Variants in TUSC3 observed in about 807,000 individuals in gnomAD.
The protein encoded by TUSC3 is dolichyl-diphosphooligosaccharide--protein glycosyltransferase subunit TUSC3.
In TUSC3, 45 loss-of-function variants were observed where a neutral mutation model predicts 44.8. The observed-to-expected ratio is 1.00, with a 90% confidence interval of 0.79 to 1.29. The LOEUF is 1.29. Among genes scored for constraint, TUSC3 ranks in the 50% most tolerant of loss-of-function variants. The pLI is 0.00. For synonymous variants in TUSC3, 212 were observed against 152.9 expected (o/e 1.39, Z -2.85); for missense variants, 519 against 437.9 (o/e 1.19, Z -1.65).
chr8:15,576,217 T>C (rs1803099484), intron 1 of TUSC3, among the ~76,000 whole-genome samples: 2 of 151,048 alleles, frequency 1.3e-5, no homozygotes, highest in Non-Finnish European at 1.5e-5. Context: ...CTGGTTTTCT[T>C]TTGGTAGGTA....
intron 1 of TUSC3, among the ~76,000 whole-genome samples, chr8:15,596,563 T>C (rs904977284): frequency 6.6e-6 from 1 of 152,194 alleles, no homozygotes; most frequent in Non-Finnish European, 1.5e-5. Context: ...GAGGAATGAC[T>C]ATAATTTTCA....
intron 5 of TUSC3, among the ~76,000 whole-genome samples, chr8:15,665,149 A>T (rs1281974520): frequency 6.6e-6 from 1 of 151,598 alleles, no homozygotes; most frequent in Non-Finnish European, 1.5e-5. Flanking sequence ...AAATATTGTC[A>T]TCTGACTTAC....
downstream of TUSC3, among the ~76,000 whole-genome samples, chr8:15,768,101 A>T (rs951717869): frequency 1.3e-5 from 2 of 152,188 alleles, no homozygotes; most frequent in Non-Finnish European, 2.9e-5. Flanking sequence ...AAGTGTTGAA[A>T]GAGTTCCCCA....
intron 1 of TUSC3, among the ~76,000 whole-genome samples, chr8:15,449,582 A>T (rs1217415849): frequency 6.6e-6 from 1 of 152,088 alleles, no homozygotes; most frequent in Non-Finnish European, 1.5e-5. Context: ...TTTAGCCCTT[A>T]GGGGAAAAAG....
chr8:15,727,078 A>C (rs1381312102), intron 6 of TUSC3, among the ~76,000 whole-genome samples: 1 of 152,160 alleles, frequency 6.6e-6, no homozygotes, highest in Non-Finnish European at 1.5e-5. Context: ...TAAATAAATG[A>C]ACATCATGCT....
At chr8:15,466,881 G>T (rs1381282276) in intron 1 of TUSC3, among the ~76,000 whole-genome samples, 2 of 152,056 alleles carry the variant, frequency 1.3e-5, no homozygotes, top group Non-Finnish European at 2.9e-5. Flanking sequence ...GAGGGCCATT[G>T]ATAATTGAAT....
At chr8:15,693,869 G>C (rs2129191621) in intron 6 of TUSC3, among the ~76,000 whole-genome samples, 1 of 152,020 alleles carries the variant, frequency 6.6e-6, no homozygotes, top group Non-Finnish European at 1.5e-5. Flanking sequence ...TTCTGAATGA[G>C]TTATTTCAAA....
chr8:15,603,140 A>T (rs1048923679), intron 1 of TUSC3, among the ~76,000 whole-genome samples: 1 of 151,706 alleles, frequency 6.6e-6, no homozygotes, highest in African/African-American at 2.4e-5. Flanking sequence ...TTACTAATAC[A>T]TGACTAGTTA....
At chr8:15,757,270 CTG>C (rs1811965188) in intron 9 of TUSC3, among the ~76,000 whole-genome samples, 1 of 152,106 alleles carries the variant, frequency 6.6e-6, no homozygotes, top group African/African-American at 2.4e-5. Context: ...TAAAACGAAA[CTG>C]ATAGTTTCTA....
intron 1 of TUSC3, among the ~76,000 whole-genome samples, chr8:15,452,518 A>G (rs1264113333): frequency 6.6e-6 from 1 of 152,084 alleles, no homozygotes; most frequent in Non-Finnish European, 1.5e-5. Flanking sequence ...AAAAGGTAAA[A>G]CATATTAGTA....
intron 6 of TUSC3, 131 bp from the exon 7 acceptor site, chr8:15,730,535 C>A: frequency 1.2e-6 from 1 of 850,050 alleles, no homozygotes; most frequent in Non-Finnish European, 1.9e-6. Flanking sequence ...ATAATTGGAA[C>A]TTAGTAGAAA....
intron 1 of TUSC3, among the ~76,000 whole-genome samples, chr8:15,438,156 A>C (rs5006324): frequency 1.3e-5 from 2 of 151,914 alleles, no homozygotes. Flanking sequence ...GTGCAATGGC[A>C]CAGTCTCGGC....
intron 1 of TUSC3, among the ~76,000 whole-genome samples, chr8:15,568,013 A>G (rs1449463255): frequency 1.3e-5 from 2 of 152,038 alleles, no homozygotes; most frequent in African/African-American, 4.8e-5. Flanking sequence ...CTATGGCCAC[A>G]TTGGTAGCAT....
chr8:15,719,422 A>G (rs1172858149), intron 6 of TUSC3, among the ~76,000 whole-genome samples: 1 of 151,504 alleles, frequency 6.6e-6, no homozygotes, highest in African/African-American at 2.4e-5. Flanking sequence ...CCCATTGTCA[A>G]TACTTCTGAC....
At chr8:15,492,926 T>C (rs1800829423) in intron 2 of TUSC3, among the ~76,000 whole-genome samples, 1 of 152,056 alleles carries the variant, frequency 6.6e-6, no homozygotes, top group South Asian at 2.1e-4. Context: ...TAAAACATCA[T>C]GAAAAAAAGA....
At chr8:15,493,406 G>T (rs1800836882) in intron 2 of TUSC3, among the ~76,000 whole-genome samples, 1 of 151,980 alleles carries the variant, frequency 6.6e-6, no homozygotes, top group African/African-American at 2.4e-5. Context: ...GGTTATACAG[G>T]CATGCCCCAT....
At chr8:15,813,531 A>G in the TUSC3 span, among the ~76,000 whole-genome samples, 3 of 151,684 alleles carry the variant, frequency 2.0e-5, no homozygotes, top group Non-Finnish European at 4.4e-5. Context: ...TTACAACTTG[A>G]TGACAGCAAT....
intron 1 of TUSC3, among the ~76,000 whole-genome samples, chr8:15,446,351 CG>C (rs1461101092): frequency 6.6e-6 from 1 of 152,052 alleles, no homozygotes; most frequent in Non-Finnish European, 1.5e-5. Context: ...GCTGCAATCT[CG>C]GCACTTTGGG....
At chr8:15,454,440 A>T (rs1800231650) in intron 1 of TUSC3, among the ~76,000 whole-genome samples, 2 of 152,212 alleles carry the variant, frequency 1.3e-5, no homozygotes, top group Non-Finnish European at 2.9e-5. Flanking sequence ...AGTGACTGTT[A>T]ACAGACGTAG....
Sources: gnomAD v4.1 joint callset for allele counts (sites outside exome capture counted in the v4.1 genomes callset) on GRCh38, gnomAD v4.1.1 for gene constraint, MANE v1.5 for transcripts, NCBI Gene and HGNC (gene_info 2026-07-23, HGNC 2026-07-21) for gene names.